The following MEAF6 variants were observed in gnomAD, a reference collection of about 807,000 sequenced individuals.
MEAF6 encodes chromatin modification-related protein MEAF6.
In MEAF6, 15 loss-of-function variants were observed where a neutral mutation model predicts 28.9. That is an observed-to-expected ratio of 0.52 (90% confidence interval 0.35 to 0.80). MEAF6 has a LOEUF of 0.80. Among genes scored for constraint, MEAF6 ranks in the 30% least tolerant of loss-of-function variants. The pLI, the probability that MEAF6 is intolerant of heterozygous loss-of-function variation, is 0.01. For synonymous variants in MEAF6, 97 were observed against 88.7 expected (o/e 1.09, Z -0.53); for missense variants, 178 against 237.5 (o/e 0.75, Z 1.65).
In MEAF6 at chr1:37,509,522, T is replaced by A; in HGVS notation, c.227A>T (p.Asp76Val). ...TNQKNSNSKN[D>V]RRNRKFKEAE... The stretch of plus-strand genomic sequence containing the variant: ...TTCCTTAAACTTCCGGTTCCTTCGA[T>A]CATTTTTGCTATTGGAGTTTCTAAA... Residue 76 changes from aspartate to valine, a missense_variant, in exon 3 of 7, where the codon GAT becomes GTT. Coordinates refer to ENST00000296214, the MANE Select transcript of MEAF6 (RefSeq NM_001270875.3). The A allele has an allele frequency of 6.2e-7, 1 of 1,614,058 alleles. No individual in the cohort carries two copies. The highest frequency in any genetic ancestry group is 8.5e-7 in the Non-Finnish European group (1 of 1,180,002).
intron 4 of MEAF6, among the ~76,000 whole-genome samples, chr1:37,504,759 C>G (rs1367494284): frequency 3.1e-5 from 3 of 97,566 alleles, no homozygotes; most frequent in African/African-American, 1.3e-4. Context: ...GCAACAAGAG[C>G]AAGACTCCAT....
chr1:37,499,280 T>C (rs1453662404), intron 5 of MEAF6, among the ~76,000 whole-genome samples: 1 of 152,192 alleles, frequency 6.6e-6, no homozygotes, highest in Non-Finnish European at 1.5e-5. Context: ...TACTCAAACA[T>C]TTGCTGAAAT....
Position 37,493,133 on chromosome 1 carries a change from A to G in MEAF6, c.*966T>C, listed in dbSNP as rs1206565741. The G allele has an allele frequency of 2.0e-5, 3 of 152,240 alleles. No homozygotes were observed. Among genetic ancestry groups the G allele is most frequent in the Non-Finnish European group, 4.4e-5 (3 of 68,066 alleles). The allele number at this position is 152,240 out of a possible 1,614,324, so 9.4% of individuals were successfully genotyped here. On this transcript the variant is annotated 3_prime_UTR_variant, in exon 7 of 7. Transcript: ENST00000296214. ...TTTCACTCCACTTAAGAACGACATA[A>G]GTTATCACTTTTGGTATAATTTTGA...
chr1:37,493,803 G>T lies in MEAF6; in HGVS notation c.*296C>A. 1 of 1,550,862 alleles carries T rather than the reference G, an allele frequency of 6.4e-7. No individual in the cohort carries two copies. Among genetic ancestry groups the T allele is most frequent in the Non-Finnish European group, 8.7e-7 (1 of 1,147,086 alleles). ...AAGCTGGTGCCAGCCAGTTTTGGGGGAGACATTCATTCTAAGAAGGGAGAA... is the reference window on the plus strand; with the variant it reads ...AAGCTGGTGCCAGCCAGTTTTGGGGTAGACATTCATTCTAAGAAGGGAGAA... On this transcript the variant is annotated 3_prime_UTR_variant, in exon 7 of 7. Coordinates refer to ENST00000296214, the MANE Select transcript of MEAF6 (RefSeq NM_001270875.3).
intron 5 of MEAF6, chr1:37,496,549 C>A: frequency 7.1e-7 from 1 of 1,409,830 alleles, no homozygotes; most frequent in South Asian, 1.6e-5. Context: ...AATGTTACCT[C>A]CATCACGTTT....
intron 4 of MEAF6, among the ~76,000 whole-genome samples, chr1:37,508,724 T>G (rs1642567920): frequency 6.6e-6 from 1 of 152,234 alleles, no homozygotes; most frequent in Non-Finnish European, 1.5e-5. Context: ...AATATATCTT[T>G]GTCTCTTTGA....
rs1489941922 is a variant in MEAF6, at chr1:37,491,912, TTTC to T, written c.*2184_*2186del. ...AATCTTTTTAAGAGCAGTACTATTC[TTTC>T]TTTTTTTTTTTTTTTTTGACAGAGT... On this transcript the variant is annotated 3_prime_UTR_variant, in exon 7 of 7. Coordinates refer to ENST00000296214, the MANE Select transcript of MEAF6 (RefSeq NM_001270875.3). Among the ~76,000 whole-genome samples the T allele has an allele frequency of 5.3e-4, 74 of 140,906 alleles. No homozygotes were observed. The highest frequency in any genetic ancestry group is 1.2e-3 in the African/African-American group (44 of 38,048). 92.4% of individuals were successfully genotyped at this position (140,906 alleles called of 152,430 possible). A position where few individuals can be genotyped will look rare whatever the true frequency, so the allele number is the denominator to read the frequency against.
chr1:37,494,576 A>C (rs1557603164), intron 6 of MEAF6, among the ~76,000 whole-genome samples: 1 of 151,460 alleles, frequency 6.6e-6, no homozygotes, highest in Admixed American at 6.6e-5. Flanking sequence ...CAGGCCTATA[A>C]TCCCAGCACT....
chr1:37,504,748 G>C (rs1047071597), intron 4 of MEAF6, among the ~76,000 whole-genome samples: 1 of 140,872 alleles, frequency 7.1e-6, no homozygotes, highest in African/African-American at 2.7e-5. Context: ...CTCCAGCCTG[G>C]GCAACAAGAG....
chr1:37,496,327 T>C (rs1642128385), intron 5 of MEAF6, among the ~76,000 whole-genome samples: 1 of 152,242 alleles, frequency 6.6e-6, no homozygotes, highest in Non-Finnish European at 1.5e-5. Flanking sequence ...GGAGTTTGTA[T>C]TTCTGAACAC....
chr1:37,513,608 A>G, intron 1 of MEAF6, 70 bp from the exon 2 acceptor site: 1 of 1,219,920 alleles, frequency 8.2e-7, no homozygotes, highest in Non-Finnish European at 1.2e-6. Flanking sequence ...GCCAAAATGA[A>G]ATCCTGATAT....
At chr1:37,499,615 C>A (rs1445093196) in intron 5 of MEAF6, among the ~76,000 whole-genome samples, 2 of 152,162 alleles carry the variant, frequency 1.3e-5, no homozygotes, top group African/African-American at 4.8e-5. Context: ...CAAGGGAGAT[C>A]AGCCAGATAT....
At chr1:37,496,039 C>T in intron 5 of MEAF6, 121 bp from the exon 6 acceptor site, 1 of 756,016 alleles carries the variant, frequency 1.3e-6, no homozygotes. Context: ...AATCCACATT[C>T]TTCATTAGAC....
At chr1:37,503,226 G>A (rs963872298) in intron 4 of MEAF6, among the ~76,000 whole-genome samples, 5 of 152,154 alleles carry the variant, frequency 3.3e-5, no homozygotes, top group Admixed American at 6.6e-5. Context: ...CATGAGCCAC[G>A]CATTCTGCTA....
chr1:37,508,944 A>G (rs1642574977), intron 4 of MEAF6, among the ~76,000 whole-genome samples: 1 of 152,176 alleles, frequency 6.6e-6, no homozygotes, highest in South Asian at 2.1e-4. Context: ...AAAAAATTTA[A>G]AAATTAGCCA....
chr1:37,494,047 G>A lies in MEAF6; in HGVS notation c.*52C>T. 1 of 1,603,552 alleles carries A rather than the reference G, an allele frequency of 6.2e-7. No homozygotes were observed. Among genetic ancestry groups the A allele is most frequent in the Non-Finnish European group, 8.5e-7 (1 of 1,177,308 alleles). ...AAGGATGTTTATCTTTGTGAGGTCAGAGAAGGGAAGCAGGGCTCTACAGCC... is the reference window on the plus strand; with the variant it reads ...AAGGATGTTTATCTTTGTGAGGTCAAAGAAGGGAAGCAGGGCTCTACAGCC... On this transcript the variant is annotated 3_prime_UTR_variant, in exon 7 of 7. Transcript: ENST00000296214.
chr1:37,499,716 C>T (rs1003753560), intron 5 of MEAF6, among the ~76,000 whole-genome samples: 2 of 152,184 alleles, frequency 1.3e-5, no homozygotes, highest in South Asian at 2.1e-4. Flanking sequence ...TAACTAATAT[C>T]GAAGATTTTT....
At chr1:37,498,584 C>T (rs1192786437) in intron 5 of MEAF6, among the ~76,000 whole-genome samples, 1 of 151,842 alleles carries the variant, frequency 6.6e-6, no homozygotes, top group African/African-American at 2.4e-5. Flanking sequence ...CATGCCATCA[C>T]GTCCAGTTAA....
chr1:37,501,568 A>C, intron 5 of MEAF6: 1 of 383,078 alleles, frequency 2.6e-6, no homozygotes, highest in South Asian at 1.3e-4. Context: ...TTATGGAATA[A>C]AACTATTCTA....
Sources: gnomAD v4.1 joint callset for allele counts (sites outside exome capture counted in the v4.1 genomes callset) on GRCh38, gnomAD v4.1.1 for gene constraint, MANE v1.5 for transcripts, NCBI Gene and HGNC (gene_info 2026-07-23, HGNC 2026-07-21) for gene names.